Variants in PPP2R2B observed in about 807,000 individuals in gnomAD.
PPP2R2B encodes the protein serine/threonine-protein phosphatase 2A 55 kDa regulatory subunit B beta isoform.
PPP2R2B carries 5 observed loss-of-function variants against 46.0 expected under a neutral mutation model. The observed-to-expected ratio is 0.11, with a 90% CI of 0.06 to 0.23. The LOEUF is 0.23. PPP2R2B is among the 10% of genes least tolerant of loss of function. PPP2R2B has a pLI of 1.00. For missense variants in PPP2R2B, 367 were observed against 575.0 expected, an observed-to-expected ratio of 0.64 and a Z score of 3.70; for synonymous variants, 215 against 206.7, an observed-to-expected ratio of 1.04 and a Z score of -0.34.
At position 146,581,594 on chromosome 5, in the gene PPP2R2B, A is replaced by C; in HGVS notation, c.*8353T>G. ...ACTGTTGTCCTTCTTCTCGTCAGGG[A>C]GGAAATGAGGGGTTTAAATAAATGC... is the stretch of plus-strand genomic sequence containing the variant. On this transcript the variant is annotated 3_prime_UTR_variant, in exon 10 of 10. Coordinates refer to ENST00000394411, the MANE Select transcript of PPP2R2B (RefSeq NM_181675.4). 6.6e-6 allele frequency: 1 copy of C among 152,120 alleles called. No homozygotes were observed. 9.4% of individuals were successfully genotyped at this position (152,120 alleles called of 1,614,324 possible). A position where few individuals can be genotyped will look rare whatever the true frequency, so the allele number is the denominator to read the frequency against.
intron 1 of PPP2R2B, among the ~76,000 whole-genome samples, chr5:146,977,459 G>T (rs1422886414): frequency 2.0e-5 from 3 of 151,968 alleles, no homozygotes; most frequent in Non-Finnish European, 2.9e-5. Flanking sequence ...ACGTGCCATT[G>T]TGGTTTGTTG....
intron 2 of PPP2R2B, among the ~76,000 whole-genome samples, chr5:146,802,502 G>C (rs990506942): frequency 6.6e-6 from 1 of 152,142 alleles, no homozygotes; most frequent in Non-Finnish European, 1.5e-5. Flanking sequence ...TTCACATTAA[G>C]CACCAAATCC....
intron 5 of PPP2R2B, among the ~76,000 whole-genome samples, chr5:146,658,705 A>G (rs1179840320): frequency 2.0e-5 from 3 of 152,220 alleles, no homozygotes; most frequent in African/African-American, 7.2e-5. Context: ...TTCAAAAGAA[A>G]GATATAGAAG....
At chr5:147,002,777 T>C (rs577867350) in intron 1 of PPP2R2B, among the ~76,000 whole-genome samples, 1 of 148,552 alleles carries the variant, frequency 6.7e-6, no homozygotes. Flanking sequence ...GCTGCTGCAT[T>C]GGTAAGCACA....
intron 1 of PPP2R2B, among the ~76,000 whole-genome samples, chr5:146,928,615 A>G (rs1468170303): frequency 6.6e-6 from 1 of 152,152 alleles, no homozygotes; most frequent in Non-Finnish European, 1.5e-5. Flanking sequence ...CATCTTTCAC[A>G]GGACTATTGC....
At chr5:146,917,256 C>T (rs1447015991) in intron 1 of PPP2R2B, among the ~76,000 whole-genome samples, 1 of 152,204 alleles carries the variant, frequency 6.6e-6, no homozygotes. Flanking sequence ...CTTTGCTGTG[C>T]ACTATAAAGC....
intron 7 of PPP2R2B, among the ~76,000 whole-genome samples, chr5:146,629,536 C>T (rs1317748071): frequency 1.3e-5 from 2 of 152,152 alleles, no homozygotes; most frequent in African/African-American, 4.8e-5. Flanking sequence ...AGGCCTGGCA[C>T]CCCTTGTCTG....
chr5:146,856,415 C>T (rs1458059566), intron 2 of PPP2R2B: 1 of 1,084,324 alleles, frequency 9.2e-7, no homozygotes, highest in Non-Finnish European at 1.4e-6. Context: ...TCCCACGGAA[C>T]AAATTTTAAG....
chr5:146,836,293 T>C (rs1759279281), intron 2 of PPP2R2B, among the ~76,000 whole-genome samples: 1 of 152,186 alleles, frequency 6.6e-6, no homozygotes, highest in African/African-American at 2.4e-5. Context: ...ACTTGGAGTA[T>C]AAACTCCTGG....
intron 4 of PPP2R2B, among the ~76,000 whole-genome samples, 171 bp from the exon 5 acceptor site, chr5:146,691,411 C>T (rs995548317): frequency 6.6e-6 from 1 of 152,090 alleles, no homozygotes; most frequent in Non-Finnish European, 1.5e-5. Flanking sequence ...GAAGGCAGAG[C>T]TCATATTTCA....
intron 2 of PPP2R2B, among the ~76,000 whole-genome samples, chr5:147,063,672 A>C (rs990653819): frequency 6.6e-6 from 1 of 152,210 alleles, no homozygotes; most frequent in African/African-American, 2.4e-5. Context: ...AAGAGGAACC[A>C]ATATTCTGAT....
intron 2 of PPP2R2B, among the ~76,000 whole-genome samples, chr5:146,830,603 C>A (rs1458764905): frequency 2.0e-5 from 3 of 151,556 alleles, no homozygotes. Context: ...TGGCTCACTG[C>A]AATCCCCGAC....
At chr5:146,792,760 G>C (rs953567682) in intron 2 of PPP2R2B, among the ~76,000 whole-genome samples, 1 of 152,186 alleles carries the variant, frequency 6.6e-6, no homozygotes, top group Non-Finnish European at 1.5e-5. Context: ...TTCCAGACTG[G>C]GGAGTTCAAG....
At chr5:147,042,621 A>C (rs928719304) in intron 1 of PPP2R2B, among the ~76,000 whole-genome samples, 3 of 152,154 alleles carry the variant, frequency 2.0e-5, no homozygotes, top group African/African-American at 7.2e-5. Context: ...ATCATTCACT[A>C]CTATATGCCA....
intron 2 of PPP2R2B, among the ~76,000 whole-genome samples, chr5:146,870,250 C>T (rs1761536538): frequency 6.6e-6 from 1 of 152,174 alleles, no homozygotes; most frequent in Non-Finnish European, 1.5e-5. Flanking sequence ...CCCCCCTCCA[C>T]CCCAATCTAT....
chr5:147,053,044 T>C (rs1372982178), intron 1 of PPP2R2B, among the ~76,000 whole-genome samples: 4 of 152,004 alleles, frequency 2.6e-5, no homozygotes, highest in Admixed American at 1.3e-4. Context: ...ATTATTATTA[T>C]CACCCTGCTA....
Position 147,009,119 on chromosome 5 carries a change from C to A in PPP2R2B, c.79+46546G>T, listed in dbSNP as rs983931722. ...TTTATTACCTGCTGGAGAAATTGTT[C>A]TCATGATTGAAGATCAAGAAAAACT... On this transcript the variant is annotated intron_variant, in intron 1 of 8. Coordinates refer to the PPP2R2B transcript ENST00000336640. Among the ~76,000 whole-genome samples, 7 of 152,080 alleles carry A rather than the reference C, an allele frequency of 4.6e-5. No homozygotes were observed. The South Asian group carries it at 8.3e-4, about 18-fold the overall frequency.
intron 2 of PPP2R2B, among the ~76,000 whole-genome samples, chr5:146,724,331 G>T (rs578211378): frequency 8.6e-5 from 13 of 150,798 alleles, no homozygotes; most frequent in African/African-American, 2.9e-4. Flanking sequence ...TTTTTTGAGG[G>T]TTACATGAGA....
At chr5:146,759,346 T>G (rs191719013) in intron 2 of PPP2R2B, among the ~76,000 whole-genome samples, 69 of 152,328 alleles carry the variant, frequency 4.5e-4, no homozygotes, top group African/African-American at 1.6e-3. Context: ...ACCTTTTATC[T>G]GAAGATTACT....
Sources: allele counts gnomAD v4.1 joint callset (sites outside exome capture counted in the v4.1 genomes callset), GRCh38; gene constraint gnomAD v4.1.1; transcripts MANE v1.5; gene names NCBI Gene and HGNC (gene_info 2026-07-23, HGNC 2026-07-21).